The following SUMF1 variants were observed in gnomAD, a reference collection of about 807,000 sequenced individuals.
SUMF1 encodes sulfatase modifying factor 1.
SUMF1 carries 48 observed loss-of-function variants against 47.6 expected under a neutral mutation model. The ratio of observed to expected loss-of-function variants is 1.01; its 90% CI spans 0.80 to 1.28. The LOEUF is 1.28. Ranked by LOEUF, SUMF1 falls within the 50% of genes most tolerant of loss-of-function variation. The pLI is 0.00. For missense variants in SUMF1, 571 were observed against 485.4 expected (o/e 1.18, Z -1.66); for synonymous variants, 230 against 192.1 (o/e 1.20, Z -1.63).
Position 4,249,410 on chromosome 3 carries a change from C to T in SUMF1, c.1014+126920G>A, listed in dbSNP as rs1696743009. Among the ~76,000 whole-genome samples the T allele has an allele frequency of 2.6e-5, 4 of 151,990 alleles. No individual in the cohort carries two copies. In the South Asian group the frequency reaches 8.3e-4, roughly 32 times the overall value. On this transcript the variant is annotated intron_variant and NMD_transcript_variant, in intron 8 of 12. Coordinates refer to the SUMF1 transcript ENST00000448413. The stretch of plus-strand genomic sequence containing the variant: ...ATATGCTCACTTCATGTCTCTGTGT[C>T]ACGTTTTGGTAATTCTCGCAATATT...
At chr3:4,380,038 G>T (rs1380484136) in intron 7 of SUMF1, among the ~76,000 whole-genome samples, 2 of 152,108 alleles carry the variant, frequency 1.3e-5, no homozygotes, top group African/African-American at 4.8e-5. Flanking sequence ...GTGGCTATTG[G>T]TGGTGGTGTT....
intron 8 of SUMF1, chr3:4,068,762 G>GAAA (rs2125033589): frequency 2.9e-6 from 1 of 344,582 alleles, no homozygotes; most frequent in Non-Finnish European, 5.9e-6. Flanking sequence ...CAAATAAGAA[G>GAAA]AAGAAGAAGA....
chr3:4,461,950 C>A (rs2633838), intron 1 of SUMF1, among the ~76,000 whole-genome samples: 31,142 of 152,140 alleles, frequency 0.2, 4,012 homozygotes, highest in Non-Finnish European at 0.3. Context: ...TTCCCTGCCA[C>A]ACCACAGCTT....
At chr3:4,435,242 G>A (rs1411845101) in intron 3 of SUMF1, among the ~76,000 whole-genome samples, 1 of 152,122 alleles carries the variant, frequency 6.6e-6, no homozygotes, top group Non-Finnish European at 1.5e-5. Flanking sequence ...CTTTAAAGGA[G>A]CTATTACAAT....
chr3:4,466,739 G>A (rs780613461), intron 1 of SUMF1, among the ~76,000 whole-genome samples: 1 of 152,176 alleles, frequency 6.6e-6, no homozygotes, highest in Non-Finnish European at 1.5e-5. Flanking sequence ...GAGGGAGAAA[G>A]AAATAGGGGG....
intron 8 of SUMF1, among the ~76,000 whole-genome samples, chr3:4,288,156 T>C (rs1697672775): frequency 6.6e-6 from 1 of 152,172 alleles, no homozygotes; most frequent in African/African-American, 2.4e-5. Context: ...GAATATACAA[T>C]AATACAAATG....
intron 8 of SUMF1, among the ~76,000 whole-genome samples, chr3:4,070,110 A>C (rs1377537834): frequency 6.6e-6 from 1 of 152,174 alleles, no homozygotes; most frequent in East Asian, 1.9e-4. Flanking sequence ...AACTCAACGA[A>C]TTATGACCCA....
chr3:4,219,131 A>G (rs930991176), intron 8 of SUMF1, among the ~76,000 whole-genome samples: 7 of 152,196 alleles, frequency 4.6e-5, no homozygotes, highest in Admixed American at 2.6e-4. Flanking sequence ...TTTAACTGCA[A>G]TTACTCTCCT....
intron 8 of SUMF1, among the ~76,000 whole-genome samples, chr3:4,222,298 C>T (rs1386265968): frequency 1.3e-5 from 2 of 151,966 alleles, no homozygotes; most frequent in Non-Finnish European, 2.9e-5. Flanking sequence ...TGGCCAGCAC[C>T]ATACTGTGAT....
chr3:4,066,232 T>G (rs890010894), intron 9 of SUMF1, among the ~76,000 whole-genome samples: 4 of 151,420 alleles, frequency 2.6e-5, no homozygotes, highest in East Asian at 2.0e-4. Flanking sequence ...CAAAACAGGA[T>G]GAAATGATAT....
chr3:4,288,447 G>C (rs770435580), intron 8 of SUMF1, among the ~76,000 whole-genome samples: 1 of 151,916 alleles, frequency 6.6e-6, no homozygotes, highest in Non-Finnish European at 1.5e-5. Context: ...CTCTGTCCCT[G>C]AAACAGCTCT....
intron 1 of SUMF1, among the ~76,000 whole-genome samples, chr3:4,458,647 A>G (rs1027785240): frequency 6.6e-6 from 1 of 152,178 alleles, no homozygotes; most frequent in Non-Finnish European, 1.5e-5. Flanking sequence ...TGAGGTCAGG[A>G]GATCAAGACC....
intron 8 of SUMF1, among the ~76,000 whole-genome samples, chr3:4,174,556 CAT>C (rs36038965): frequency 0.65 from 98,527 of 151,360 alleles, 32,269 homozygotes; most frequent in South Asian, 0.73. Flanking sequence ...AACACACACA[CAT>C]GGGGGGCGTT....
intron 7 of SUMF1, among the ~76,000 whole-genome samples, chr3:4,386,376 ATGTAT>A (rs1016069687): frequency 2.6e-5 from 4 of 152,276 alleles, no homozygotes; most frequent in South Asian, 2.1e-4. Flanking sequence ...GTGACTGTAA[ATGTAT>A]TGTATTTTAA....
At chr3:4,141,499 A>C (rs1694069700) in intron 8 of SUMF1, among the ~76,000 whole-genome samples, 1 of 152,052 alleles carries the variant, frequency 6.6e-6, no homozygotes, top group Non-Finnish European at 1.5e-5. Flanking sequence ...CGACTTATTC[A>C]TCAAGGGTCA....
intron 7 of SUMF1, among the ~76,000 whole-genome samples, chr3:4,381,883 A>G (rs147729915): frequency 0.016 from 2,495 of 152,192 alleles, 70 homozygotes; most frequent in African/African-American, 0.057. Flanking sequence ...TCATCTCTAC[A>G]AAAAATACAA....
At position 4,141,366 on chromosome 3, in the gene SUMF1, C is replaced by G. The variant is rs114579773; in HGVS notation, c.1015-72621G>C. The stretch of plus-strand genomic sequence containing the variant: ...AATTGAAATCCATCTCACTTAGAAG[C>G]CTTTAAGAAGATCTGACCAGAAATG... On this transcript the variant is annotated intron_variant and NMD_transcript_variant, in intron 8 of 12. Transcript: ENST00000448413. 2.1e-3 allele frequency among the ~76,000 whole-genome samples: 321 copies of G among 152,142 alleles called. 2 individuals carry two copies. The highest frequency in any genetic ancestry group is 7.2e-3 in the African/African-American group (299 of 41,496).
chr3:4,401,926 G>C (rs145202123), intron 7 of SUMF1, among the ~76,000 whole-genome samples: 36 of 152,284 alleles, frequency 2.4e-4, no homozygotes, highest in African/African-American at 8.4e-4. Flanking sequence ...AAGTAAGGAA[G>C]ACAGTTTACA....
intron 8 of SUMF1, among the ~76,000 whole-genome samples, chr3:4,184,734 C>T (rs1276354894): frequency 4.7e-5 from 7 of 147,426 alleles, no homozygotes; most frequent in African/African-American, 1.0e-4. Context: ...CTGCAACCTC[C>T]GCCTCCCGGG....
Sources: gnomAD v4.1 joint callset for allele counts (sites outside exome capture counted in the v4.1 genomes callset) on GRCh38, gnomAD v4.1.1 for gene constraint, MANE v1.5 for transcripts, NCBI Gene and HGNC (gene_info 2026-07-23, HGNC 2026-07-21) for gene names.